The following FAM161A variants were observed in gnomAD, a reference collection of about 807,000 sequenced individuals.
FAM161A encodes FAM161 centrosomal protein A.
Under a neutral mutation model 70.9 loss-of-function variants are expected in FAM161A, and 57 were observed. That is an observed-to-expected ratio of 0.80 (90% CI 0.65 to 1.00). The LOEUF (loss-of-function observed/expected upper bound fraction) is 1.00. Among genes scored for constraint, FAM161A ranks in the 50% least tolerant of loss-of-function variants. The pLI is 0.00. For synonymous variants in FAM161A, 299 were observed against 295.7 expected (o/e 1.01, Z -0.12); for missense variants, 880 against 836.0 (o/e 1.05, Z -0.65).
At chr2:61,844,446 C>T (rs1224835592) in intron 1 of FAM161A, among the ~76,000 whole-genome samples, 1 of 152,054 alleles carries the variant, frequency 6.6e-6, no homozygotes, top group African/African-American at 2.4e-5. Flanking sequence ...CACCTATAAT[C>T]CCAGCACTTT....
intron 5 of FAM161A, among the ~76,000 whole-genome samples, chr2:61,832,303 C>T (rs1299825335): frequency 1.3e-5 from 2 of 148,738 alleles, no homozygotes; most frequent in South Asian, 2.1e-4. Flanking sequence ...CAAAAAAAAA[C>T]GTACTGCACC....
At chr2:61,820,364 G>T (rs759812796), downstream of FAM161A, 58 of 755,148 alleles carry the variant, frequency 7.7e-5, no homozygotes, top group Non-Finnish European at 1.4e-4. Flanking sequence ...TGCTCCAGGG[G>T]CTTTGGGTTT....
chr2:61,804,808 A>AAGAAAGAG, the FAM161A span, among the ~76,000 whole-genome samples: 1 of 150,112 alleles, frequency 6.7e-6, no homozygotes, highest in African/African-American at 2.5e-5. Context: ...GAAAGAAAGA[A>AAGAAAGAG]AGAAAGAAAG....
At chr2:61,827,392 C>A in intron 5 of FAM161A, 134 bp from the exon 6 acceptor site, 1 of 779,716 alleles carries the variant, frequency 1.3e-6, no homozygotes, top group East Asian at 2.8e-5. Flanking sequence ...GGGTGGATCA[C>A]GAGGTCAGGA....
the FAM161A span, among the ~76,000 whole-genome samples, chr2:61,801,356 G>A: frequency 2.0e-5 from 3 of 151,626 alleles, no homozygotes; most frequent in African/African-American, 7.3e-5. Context: ...AATTAGCTGG[G>A]TGTGGTAGCA....
At chr2:61,803,325 C>G in the FAM161A span, 1 of 668,546 alleles carries the variant, frequency 1.5e-6, no homozygotes, top group South Asian at 1.4e-5. Flanking sequence ...AAAATGAACC[C>G]AAACATACCA....
intron 1 of FAM161A, among the ~76,000 whole-genome samples, chr2:61,852,586 T>C (rs1007769500): frequency 6.6e-6 from 1 of 152,240 alleles, no homozygotes; most frequent in Admixed American, 6.5e-5. Flanking sequence ...TCAATCCTTT[T>C]TCTCCATCAC....
the FAM161A span, among the ~76,000 whole-genome samples, chr2:61,811,059 C>T: frequency 2.1e-3 from 318 of 152,306 alleles, 2 homozygotes; most frequent in African/African-American, 7.3e-3. Context: ...GCATTAATTT[C>T]TTCTACACTC....
At chr2:61,853,758 C>G in intron 1 of FAM161A, 101 bp downstream of exon 1, 1 of 1,357,050 alleles carries the variant, frequency 7.4e-7, no homozygotes, top group South Asian at 1.3e-5. Context: ...CACAGGGACC[C>G]GCGTTTACCA....
chr2:61,825,476 TA>T lies in FAM161A; in HGVS notation c.*978del, dbSNP rs1481226874. On this transcript the variant is annotated 3_prime_UTR_variant, in exon 7 of 7. Transcript: ENST00000404929. ...TTCCATCTGTAATAATACATAGGGT[TA>T]AAAAAACTAGTATAAAAACTTTCCT... is the stretch of plus-strand genomic sequence containing the variant. 6.7e-6 allele frequency: 3 copies of T among 449,062 alleles called. No individual in the cohort carries two copies. The highest frequency in any genetic ancestry group is 2.0e-5 in the African/African-American group (1 of 49,552). The allele number at this position is 449,062 out of a possible 1,614,324, so 27.8% of individuals were successfully genotyped here. A position where few individuals can be genotyped will look rare whatever the true frequency, so the allele number is the denominator to read the frequency against.
chr2:61,806,586 C>T, the FAM161A span, among the ~76,000 whole-genome samples: 2 of 150,716 alleles, frequency 1.3e-5, no homozygotes, highest in East Asian at 2.0e-4. Flanking sequence ...AGAGATAAAC[C>T]TAGGGAAAGA....
Position 61,853,995 on chromosome 2 carries a change from T to C in FAM161A, c.47A>G (p.Gln16Arg). ...RVAKLVASSL[Q>R]TPVNPITGAR... ...TCCAGTGATGGGATTTACCGGGGTC[T>C]GGAGACTGGAGGCCACCAGCTTCGC... Residue 16 changes from glutamine (Q) to arginine (R), a missense_variant, in exon 1 of 7, where the codon CAG becomes CGG. Transcript: ENST00000404929. The C allele has an allele frequency of 6.2e-7, 1 of 1,613,450 alleles. No individual in the cohort carries two copies. The highest frequency in any genetic ancestry group is 2.2e-5 in the East Asian group (1 of 44,864).
At chr2:61,821,616 G>A (rs1017508395), downstream of FAM161A, among the ~76,000 whole-genome samples, 1 of 150,726 alleles carries the variant, frequency 6.6e-6, no homozygotes, top group South Asian at 2.1e-4. Context: ...TTTTTGTTTT[G>A]AGACAGGATC....
At chr2:61,849,829 C>T (rs940720027) in intron 1 of FAM161A, among the ~76,000 whole-genome samples, 4 of 140,556 alleles carry the variant, frequency 2.8e-5, no homozygotes, top group African/African-American at 5.3e-5. Context: ...TTCACAGCCA[C>T]GTGGATGGAG....
In FAM161A at chr2:61,825,923, C is replaced by T. The variant is rs561439268; in HGVS notation, c.*532G>A. 1 of 454,168 alleles carries T rather than the reference C, an allele frequency of 2.2e-6. No homozygotes were observed. The highest frequency in any genetic ancestry group is 2.3e-5 in the Admixed American group (1 of 42,558). 28.1% of individuals were successfully genotyped at this position (454,168 alleles called of 1,614,324 possible). ...AAATGCTGGGATTACAGGCATGAGC[C>T]ACCATACCCGGCGTTTTTTCTATAC... is the stretch of plus-strand genomic sequence containing the variant. On this transcript the variant is annotated 3_prime_UTR_variant, in exon 7 of 7. Coordinates refer to ENST00000404929, the MANE Select transcript of FAM161A (RefSeq NM_001201543.2).
chr2:61,828,197 G>GT (rs1672444774), intron 5 of FAM161A, among the ~76,000 whole-genome samples: 1 of 151,804 alleles, frequency 6.6e-6, no homozygotes. Flanking sequence ...TTGTTAACAT[G>GT]GGTGGTGGCC....
At position 61,840,306 on chromosome 2, in the gene FAM161A, A is replaced by G. The variant is rs553732379; in HGVS notation, c.698T>C (p.Val233Ala). Residue 233 changes from valine to alanine, a missense_variant, in exon 3 of 7, where the codon GTG becomes GCG. Transcript: ENST00000404929. ...AGGCTCCGGTACTGTAATTGTGGGC[A>G]CCCATTCTTTTCGTTTCTTCCTTCT... ...EKRRKKRKEW[V>A]PTITVPEPFQ... 4.6e-5 allele frequency: 75 copies of G among 1,614,072 alleles called. No homozygotes were observed. Among genetic ancestry groups the G allele is most frequent in the Admixed American group, 1.5e-4 (9 of 60,002 alleles).
chr2:61,807,369 G>A, the FAM161A span, among the ~76,000 whole-genome samples: 2 of 151,750 alleles, frequency 1.3e-5, no homozygotes, highest in Non-Finnish European at 2.9e-5. Flanking sequence ...TTTTGTTTAA[G>A]TATTTATTTA....
At position 61,826,512 on chromosome 2, in the gene FAM161A, T is replaced by G; in HGVS notation, c.2094A>C (p.Glu698Asp). ...CACTTTCCTCATTGGCTTCATCTTT[T>G]TCCTTGTAAGAATCCTGGCTGTTGG... ...IDTNSQDSYK[E>D]KDEANEESEE... Residue 698 changes from glutamate (E) to aspartate (D), a missense_variant, in exon 7 of 7, where the codon GAA (glutamate) becomes GAC (aspartate). Glu to Asp is a conservative substitution (Grantham distance 45, BLOSUM62 2). Transcript: ENST00000404929. The G allele has an allele frequency of 1.9e-6, 3 of 1,607,842 alleles. No homozygotes were observed. The highest frequency in any genetic ancestry group is 1.1e-5 in the South Asian group (1 of 90,230).
Sources: allele counts gnomAD v4.1 joint callset (sites outside exome capture counted in the v4.1 genomes callset), GRCh38; gene constraint gnomAD v4.1.1; transcripts MANE v1.5; gene names NCBI Gene and HGNC (gene_info 2026-07-23, HGNC 2026-07-21).